Variants in DPYD observed in about 807,000 individuals in gnomAD.
The protein encoded by DPYD is dihydropyrimidine dehydrogenase [NADP(+)].
In DPYD, 109 loss-of-function variants were observed where a neutral mutation model predicts 116.2. That is an observed-to-expected ratio of 0.94 (90% CI 0.80 to 1.10). DPYD has a LOEUF of 1.10. Among genes scored for constraint, DPYD ranks in the 50% least tolerant of loss-of-function variants. The pLI is 0.00. For synonymous variants in DPYD, 440 were observed against 432.0 expected (o/e 1.02, Z -0.23); for missense variants, 1,302 against 1,254.5 (o/e 1.04, Z -0.57).
intron 19 of DPYD, among the ~76,000 whole-genome samples, chr1:97,222,389 A>G (rs1169784825): frequency 6.6e-6 from 1 of 152,122 alleles, no homozygotes; most frequent in East Asian, 1.9e-4. Context: ...ATTTTTTTCT[A>G]TAGTAAAACT....
chr1:97,537,449 G>A (rs1052836866), intron 12 of DPYD, among the ~76,000 whole-genome samples: 2 of 151,972 alleles, frequency 1.3e-5, no homozygotes, highest in African/African-American at 4.8e-5. Flanking sequence ...CCTTTAAAAT[G>A]TCCCCAAATC....
intron 16 of DPYD, among the ~76,000 whole-genome samples, chr1:97,357,050 T>C (rs1277004706): frequency 6.6e-6 from 1 of 152,236 alleles, no homozygotes; most frequent in Non-Finnish European, 1.5e-5. Flanking sequence ...TCTATGTCTA[T>C]GAAAAACTAT....
intron 8 of DPYD, among the ~76,000 whole-genome samples, chr1:97,643,486 G>A (rs1409882119): frequency 1.3e-5 from 2 of 152,164 alleles, no homozygotes; most frequent in Admixed American, 1.3e-4. Flanking sequence ...CACTGTTGGT[G>A]GGAATGTAAA....
chr1:97,620,797 T>C (rs1207604572), intron 8 of DPYD, among the ~76,000 whole-genome samples: 1 of 152,180 alleles, frequency 6.6e-6, no homozygotes, highest in Non-Finnish European at 1.5e-5. Context: ...AATCATTCTT[T>C]TAGCAACTTC....
At chr1:97,317,372 T>C (rs1667919753) in intron 16 of DPYD, among the ~76,000 whole-genome samples, 1 of 151,922 alleles carries the variant, frequency 6.6e-6, no homozygotes, top group African/African-American at 2.4e-5. Flanking sequence ...AATCATTGCT[T>C]AGAACACATT....
chr1:97,732,914 C>G (rs188393794), intron 4 of DPYD, among the ~76,000 whole-genome samples: 2 of 151,858 alleles, frequency 1.3e-5, no homozygotes, highest in Non-Finnish European at 2.9e-5. Context: ...TAGTTTTACA[C>G]GCAGAAAAAA....
At chr1:97,438,098 T>C (rs182533845) in intron 14 of DPYD, among the ~76,000 whole-genome samples, 91 of 152,164 alleles carry the variant, frequency 6.0e-4, no homozygotes, top group African/African-American at 2.1e-3. Flanking sequence ...TATTTGCCTA[T>C]CTTTATGCCA....
At chr1:97,727,555 G>A (rs752304080) in intron 4 of DPYD, among the ~76,000 whole-genome samples, 1 of 151,702 alleles carries the variant, frequency 6.6e-6, no homozygotes, top group Non-Finnish European at 1.5e-5. Context: ...CCCAAGAGAG[G>A]TTACACAATG....
At chr1:97,520,387 C>A (rs1260155329) in intron 12 of DPYD, among the ~76,000 whole-genome samples, 1 of 152,130 alleles carries the variant, frequency 6.6e-6, no homozygotes, top group Non-Finnish European at 1.5e-5. Context: ...CCAAACTCAA[C>A]TGATTCATTC....
chr1:97,696,222 T>A (rs1207742577), intron 6 of DPYD, among the ~76,000 whole-genome samples: 1 of 151,974 alleles, frequency 6.6e-6, no homozygotes, highest in African/African-American at 2.4e-5. Flanking sequence ...AGAGTGTTCA[T>A]AAAGTGGAAT....
intron 16 of DPYD, among the ~76,000 whole-genome samples, chr1:97,368,506 A>G (rs1292548806): frequency 2.6e-5 from 4 of 152,184 alleles, no homozygotes; most frequent in African/African-American, 9.6e-5. Flanking sequence ...CCTGTGGAGC[A>G]TGCTGCATCT....
chr1:97,479,042 T>C (rs774430624), intron 13 of DPYD, among the ~76,000 whole-genome samples: 1 of 152,198 alleles, frequency 6.6e-6, no homozygotes, highest in Non-Finnish European at 1.5e-5. Flanking sequence ...TAAGAGAGTG[T>C]TGTGCTGATT....
intron 3 of DPYD, among the ~76,000 whole-genome samples, chr1:97,824,958 T>A (rs182387881): frequency 6.6e-6 from 1 of 152,192 alleles, no homozygotes; most frequent in African/African-American, 2.4e-5. Context: ...TGCATTGTAT[T>A]TTCCCTCTGC....
At chr1:97,430,718 T>C (rs1176941021) in intron 14 of DPYD, among the ~76,000 whole-genome samples, 1 of 152,172 alleles carries the variant, frequency 6.6e-6, no homozygotes, top group Non-Finnish European at 1.5e-5. Flanking sequence ...GCTGTCTGGT[T>C]AGTAAGCAGA....
chr1:97,424,765 G>GA (rs1353821469), intron 14 of DPYD, among the ~76,000 whole-genome samples: 8 of 151,832 alleles, frequency 5.3e-5, no homozygotes, highest in Admixed American at 6.6e-5. Flanking sequence ...ACAGTGAACT[G>GA]AAAAAAATCC....
intron 3 of DPYD, among the ~76,000 whole-genome samples, chr1:97,821,345 A>AT (rs913201757): frequency 6.6e-6 from 1 of 151,538 alleles, no homozygotes; most frequent in African/African-American, 2.4e-5. Context: ...AAAAAAAAAA[A>AT]AAAAATACAA....
At chr1:97,713,264 C>T (rs1160668632) in intron 5 of DPYD, among the ~76,000 whole-genome samples, 1 of 151,918 alleles carries the variant, frequency 6.6e-6, no homozygotes, top group African/African-American at 2.4e-5. Flanking sequence ...ACCAACGAAT[C>T]CTTTAAAACT....
chr1:97,279,172 G>T (rs975403503), intron 18 of DPYD, among the ~76,000 whole-genome samples: 7 of 151,860 alleles, frequency 4.6e-5, no homozygotes, highest in Admixed American at 1.3e-4. Flanking sequence ...AATTTCCAAG[G>T]GATTGTTTTT....
chr1:97,812,816 T>C (rs925740442), intron 3 of DPYD, among the ~76,000 whole-genome samples: 2 of 152,150 alleles, frequency 1.3e-5, no homozygotes, highest in African/African-American at 4.8e-5. Context: ...TACGTTAGTA[T>C]TGATATAGTC....
Sources: gnomAD v4.1 joint callset for allele counts (sites outside exome capture counted in the v4.1 genomes callset) on GRCh38, gnomAD v4.1.1 for gene constraint, MANE v1.5 for transcripts, NCBI Gene and HGNC (gene_info 2026-07-23, HGNC 2026-07-21) for gene names.